CENPK: variants seen among roughly 807,000 people sequenced by gnomAD.
CENPK encodes SoxLZ/Sox6-binding protein Solt.
In CENPK, 46 loss-of-function variants were observed where a neutral mutation model predicts 40.9. The observed-to-expected ratio is 1.13, with a 90% CI of 0.89 to 1.44. CENPK has a LOEUF of 1.44. CENPK is among the 40% of genes most tolerant of loss of function. The pLI is 0.00. For synonymous variants in CENPK, 107 were observed against 104.4 expected (o/e 1.02, Z -0.15); for missense variants, 288 against 303.5 (o/e 0.95, Z 0.38).
At chr5:65,499,551 G>C in the CENPK span, among the ~76,000 whole-genome samples, 1 of 150,320 alleles carries the variant, frequency 6.7e-6, no homozygotes, top group Non-Finnish European at 1.5e-5. Context: ...TGAATCTGTA[G>C]GTTTATGCTT....
At chr5:65,562,404 T>C (rs1040197026) in intron 1 of CENPK, among the ~76,000 whole-genome samples, 3 of 152,052 alleles carry the variant, frequency 2.0e-5, no homozygotes, top group Admixed American at 2.0e-4. Context: ...TGAAATAAAA[T>C]AAAGTGCCTA....
the CENPK span, among the ~76,000 whole-genome samples, chr5:65,500,379 T>A: frequency 7.2e-6 from 1 of 138,176 alleles, no homozygotes; most frequent in East Asian, 2.1e-4. Flanking sequence ...TGTGAGATGA[T>A]ATCTCATAGT....
intron 6 of CENPK, among the ~76,000 whole-genome samples, chr5:65,533,350 A>AAAATAAATAAAT (rs61642453): frequency 3.1e-4 from 46 of 148,206 alleles, no homozygotes; most frequent in East Asian, 8.0e-4. Flanking sequence ...ACCCTGTATC[A>AAAATAAATAAAT]AAATAAATAA....
chr5:65,520,762 A>G (rs1743579521), intron 10 of CENPK, among the ~76,000 whole-genome samples: 1 of 152,200 alleles, frequency 6.6e-6, no homozygotes, highest in Non-Finnish European at 1.5e-5. Flanking sequence ...TTTCTTCAAA[A>G]TATACCAATG....
rs768317556 is a variant in CENPK, at chr5:65,529,150, G to C, written c.338C>G (p.Ser113Ter). The change falls in exon 7 of 11, where the codon TCA becomes TGA. Residue 113 changes from serine (S) to a stop codon, truncating the protein, a stop_gained. Coordinates refer to ENST00000396679, the MANE Select transcript of CENPK (RefSeq NM_022145.5). LOFTEE classifies it high-confidence loss of function. ...GTCTTCCTTTAACTTTTCATTCTTT[G>C]ACTCCTTAGTGGACAGTACCATTTC... ...DLEMVLSTKE[S>*]KNEKLKEDLE... The C allele has an allele frequency of 6.2e-7, 1 of 1,610,748 alleles. No individual in the cohort carries two copies. The highest frequency in any genetic ancestry group is 8.5e-7 in the Non-Finnish European group (1 of 1,177,792).
At chr5:65,499,938 G>A in the CENPK span, among the ~76,000 whole-genome samples, 12 of 95,070 alleles carry the variant, frequency 1.3e-4, no homozygotes, top group African/African-American at 3.6e-4. Context: ...TTGTTCTTGC[G>A]ATAGTTTACT....
intron 9 of CENPK, among the ~76,000 whole-genome samples, chr5:65,528,135 G>T (rs368647758): frequency 9.9e-5 from 15 of 152,248 alleles, no homozygotes; most frequent in African/African-American, 3.6e-4. Context: ...CAGCTACTCT[G>T]AAGGCTAAGG....
At chr5:65,520,677 C>T (rs114594591) in intron 10 of CENPK, among the ~76,000 whole-genome samples, 2,033 of 152,206 alleles carry the variant, frequency 0.013, 26 homozygotes, top group Non-Finnish European at 0.018. Context: ...GGAACCAAAA[C>T]TTGTCAGCTG....
intron 2 of CENPK, among the ~76,000 whole-genome samples, chr5:65,555,576 C>T (rs577813203): frequency 6.6e-6 from 1 of 152,262 alleles, no homozygotes; most frequent in South Asian, 2.1e-4. Context: ...TAACTACAGG[C>T]AGTAAGGATA....
intron 5 of CENPK, chr5:65,551,120 C>T: frequency 2.7e-6 from 1 of 365,080 alleles, no homozygotes; most frequent in South Asian, 2.0e-5. Context: ...CATGGTGGCA[C>T]ACACTTGTAG....
Position 65,517,986 on chromosome 5 carries a change from T to C in CENPK, c.*489A>G, listed in dbSNP as rs1326412701. The C allele has an allele frequency of 6.6e-6, 1 of 152,208 alleles. No individual in the cohort carries two copies. The highest frequency in any genetic ancestry group is 1.5e-5 in the Non-Finnish European group (1 of 68,072). The allele number at this position is 152,208 out of a possible 1,614,324, so 9.4% of individuals were successfully genotyped here. ...TTAAACAAATCTAGAAATAAGACAG[T>C]ATATATGAAACAAATTTGCTAAATA... On this transcript the variant is annotated 3_prime_UTR_variant, in exon 11 of 11. Transcript: ENST00000396679.
intron 5 of CENPK, chr5:65,550,777 G>A (rs1320105756): frequency 1.3e-5 from 2 of 152,054 alleles, no homozygotes; most frequent in African/African-American, 2.4e-5. Flanking sequence ...AAAAAAAAAA[G>A]ATGTACTAGT....
chr5:65,503,360 G>A, the CENPK span, among the ~76,000 whole-genome samples: 2 of 152,124 alleles, frequency 1.3e-5, no homozygotes, highest in East Asian at 3.9e-4. Flanking sequence ...GCCTGCCTCG[G>A]CCTCCCAGAG....
intron 6 of CENPK, 152 bp downstream of exon 6, chr5:65,542,650 T>A (rs891586917): frequency 9.3e-6 from 5 of 540,526 alleles, no homozygotes; most frequent in African/African-American, 8.0e-5. Flanking sequence ...AAAAAAAAAA[T>A]CAAATATTAT....
chr5:65,531,252 A>T (rs574369976), intron 6 of CENPK, among the ~76,000 whole-genome samples: 40 of 152,336 alleles, frequency 2.6e-4, no homozygotes, highest in South Asian at 2.1e-4. Flanking sequence ...ATGGCATTAA[A>T]TTGAAAAATA....
Position 65,528,902 on chromosome 5 carries a change from G to T in CENPK, c.470+17C>A. 1 of 1,378,300 alleles carries T rather than the reference G, an allele frequency of 7.3e-7. No homozygotes were observed. Among genetic ancestry groups the T allele is most frequent in the Non-Finnish European group, 1.0e-6 (1 of 985,506 alleles). 85.4% of individuals were successfully genotyped at this position (1,378,300 alleles called of 1,614,324 possible). On this transcript the variant is annotated intron_variant, in intron 8 of 10. Coordinates refer to ENST00000396679, the MANE Select transcript of CENPK (RefSeq NM_022145.5). ...ATACTTTTCCTATTTTAAAAACCTA[G>T]AACATAAAATTAATACCTTGATTCA...
At chr5:65,521,207 A>T (rs556273857) in intron 10 of CENPK, among the ~76,000 whole-genome samples, 148 of 152,272 alleles carry the variant, frequency 9.7e-4, no homozygotes, top group African/African-American at 3.3e-3. Context: ...CCTAGATAAA[A>T]ATTTTACCTG....
chr5:65,504,182 G>A, the CENPK span, among the ~76,000 whole-genome samples: 7 of 151,458 alleles, frequency 4.6e-5, no homozygotes, highest in South Asian at 2.1e-4. Flanking sequence ...CTGGCCAGGC[G>A]CAGTGGCTCA....
intron 6 of CENPK, among the ~76,000 whole-genome samples, chr5:65,534,879 G>C (rs531549562): frequency 1.3e-5 from 2 of 152,276 alleles, no homozygotes; most frequent in East Asian, 1.9e-4. Context: ...TGATTAAATG[G>C]AGTTAATCAA....
Sources: gnomAD v4.1 joint callset for allele counts (sites outside exome capture counted in the v4.1 genomes callset) on GRCh38, gnomAD v4.1.1 for gene constraint, MANE v1.5 for transcripts, NCBI Gene and HGNC (gene_info 2026-07-23, HGNC 2026-07-21) for gene names.